The following MAPT variants were observed in gnomAD, a reference collection of about 807,000 sequenced individuals.
MAPT encodes microtubule-associated protein tau.
A neutral mutation model predicts 67.9 loss-of-function variants in MAPT; 34 were observed. That is an observed-to-expected ratio of 0.50 (90% CI 0.38 to 0.67). The LOEUF is 0.67. Ranked by LOEUF, MAPT falls within the 30% of genes least tolerant of loss-of-function variation. MAPT has a pLI of 0.00. For synonymous variants in MAPT, 456 were observed against 464.5 expected, an observed-to-expected ratio of 0.98 and a Z score of 0.23; for missense variants, 881 against 1,115.2, an observed-to-expected ratio of 0.79 and a Z score of 2.99.
In MAPT at chr17:45,965,555, A is replaced by G. The variant is rs531051738; in HGVS notation, c.133+3085A>G. Among the ~76,000 whole-genome samples, 179 of 151,438 alleles carry G rather than the reference A, an allele frequency of 1.2e-3. 3 individuals are homozygous for G. The highest frequency in any genetic ancestry group is 4.4e-3 in the South Asian group (21 of 4,748). The stretch of plus-strand genomic sequence containing the variant: ...CTCAGCCTCCCAAGTAGCTAGGATT[A>G]CAGGCGCCTACCACCACGCCTGGCC... On this transcript the variant is annotated intron_variant, in intron 2 of 12. Transcript: ENST00000262410.
intron 8 of MAPT, among the ~76,000 whole-genome samples, chr17:45,993,072 C>T (rs2074202417): frequency 1.3e-5 from 2 of 152,136 alleles, no homozygotes; most frequent in Non-Finnish European, 1.5e-5. Flanking sequence ...CAGCCTATGG[C>T]ACTTGCTGCG....
chr17:46,012,988 CCCCAGTT>C (rs913188133), intron 10 of MAPT, among the ~76,000 whole-genome samples: 1 of 152,192 alleles, frequency 6.6e-6, no homozygotes, highest in African/African-American at 2.4e-5. Context: ...GCCATCTCTG[CCCCAGTT>C]AACTCCCCAT....
chr17:45,993,924 C>T lies in MAPT; in HGVS notation c.1732+2338C>T, dbSNP rs543103148. ...GCTTTCGTGGATTTTTCTCTTTAAGCGACTAAGCAAGTCCAGAGAAGACCA... is the reference window on the plus strand; with the variant it reads ...GCTTTCGTGGATTTTTCTCTTTAAGTGACTAAGCAAGTCCAGAGAAGACCA... On this transcript the variant is annotated intron_variant, in intron 8 of 12. Coordinates refer to ENST00000262410, the MANE Select transcript of MAPT (RefSeq NM_001377265.1). The T allele has an allele frequency of 5.1e-6, 8 of 1,570,248 alleles. No individual in the cohort carries two copies. Among genetic ancestry groups the T allele is most frequent in the South Asian group, 2.3e-5 (2 of 85,428 alleles).
chr17:45,942,543 G>C (rs1486071216), intron 1 of MAPT, among the ~76,000 whole-genome samples: 1 of 152,172 alleles, frequency 6.6e-6, no homozygotes, highest in Admixed American at 6.5e-5. Context: ...TTGCTTCCCC[G>C]CTGGTGGACT....
In MAPT at chr17:46,024,666, TGTGA is replaced by T. The variant is rs1169448088; in HGVS notation, c.*499_*502del. ...CCACAGGCAGACGATGTCAACCTTG[TGTGA>T]GTGTGACGGGGGTTGGGGTGGGGCG... On this transcript the variant is annotated 3_prime_UTR_variant, in exon 13 of 13. Coordinates refer to ENST00000262410, the MANE Select transcript of MAPT (RefSeq NM_001377265.1). The T allele has an allele frequency of 6.1e-6, 1 of 163,610 alleles. No homozygotes were observed. The highest frequency in any genetic ancestry group is 1.2e-5 in the Non-Finnish European group (1 of 85,616). 10.1% of individuals were successfully genotyped at this position (163,610 alleles called of 1,614,324 possible).
chr17:46,015,076 A>C (rs773795199), intron 11 of MAPT, among the ~76,000 whole-genome samples: 2 of 152,204 alleles, frequency 1.3e-5, no homozygotes, highest in Non-Finnish European at 2.9e-5. Flanking sequence ...TTAATTGTAC[A>C]TTTAAAAATA....
chr17:45,914,966 C>G lies in MAPT; in HGVS notation c.-18+20280C>G, dbSNP rs576663129. Among the ~76,000 whole-genome samples the G allele has an allele frequency of 2.6e-5, 4 of 152,240 alleles. No homozygotes were observed. In the South Asian group the frequency reaches 6.2e-4, roughly 24 times the overall value. On this transcript the variant is annotated intron_variant, in intron 1 of 12. Transcript: ENST00000262410. Reference sequence around the variant, plus strand: ...TCCTGGACTCAAGCAATCCTCCTGCCTCAGCCTCCCAAAGGGCTGAGATTA... The same window carrying G: ...TCCTGGACTCAAGCAATCCTCCTGCGTCAGCCTCCCAAAGGGCTGAGATTA...
intron 12 of MAPT, among the ~76,000 whole-genome samples, chr17:46,020,655 G>A (rs752019098): frequency 3.9e-5 from 6 of 152,158 alleles, no homozygotes; most frequent in Non-Finnish European, 7.3e-5. Flanking sequence ...TGTCTCACAC[G>A]GTGGCAGACA....
At chr17:45,962,535 T>G (rs2070562075) in intron 2 of MAPT, 65 bp downstream of exon 2, 1 of 1,594,976 alleles carries the variant, frequency 6.3e-7, no homozygotes, top group Non-Finnish European at 8.6e-7. Context: ...GGGAACAGTT[T>G]GCATCCAGAA....
chr17:45,947,010 A>C (rs962219406), intron 1 of MAPT, among the ~76,000 whole-genome samples: 1 of 152,178 alleles, frequency 6.6e-6, no homozygotes, highest in African/African-American at 2.4e-5. Context: ...TCTTGCCAGC[A>C]TGAGTCTTTC....
chr17:45,905,537 A>G (rs77084869), intron 1 of MAPT, among the ~76,000 whole-genome samples: 21,832 of 152,250 alleles, frequency 0.14, 2,140 homozygotes, highest in Middle Eastern at 0.22. Context: ...AATCTGGGCC[A>G]AGTTAAAAAA....
Position 45,996,578 on chromosome 17 carries a change from G to A in MAPT, c.1912G>A (p.Ala638Thr), listed in dbSNP as rs543282557. ...PSSAKSRLQT[A>T]PVPMPDLKNV... ...TTCCGCCAAGAGCCGCCTGCAGACA[G>A]CCCCCGTGCCCATGCCAGACCTGAA... is the stretch of plus-strand genomic sequence containing the variant. The change falls in exon 9 of 13, where the codon GCC (alanine) becomes ACC (threonine). Residue 638 changes from alanine (A) to threonine (T), a missense_variant. Coordinates refer to ENST00000262410, the MANE Select transcript of MAPT (RefSeq NM_001377265.1). This position sits in a 1 kb window ranked among gnomAD's most constrained non-coding sequence, Gnocchi z 4.5. 115 of 1,613,814 alleles carry A rather than the reference G, an allele frequency of 7.1e-5. 1 individual carries two copies. In the South Asian group the frequency reaches 1.3e-3, roughly 18 times the overall value.
chr17:45,979,709 A>C (rs1348781859), intron 4 of MAPT: 1 of 152,204 alleles, frequency 6.6e-6, no homozygotes. Flanking sequence ...AGCTTAGGTA[A>C]AACTAGAGGC....
At chr17:45,959,790 A>C (rs1272870262) in intron 1 of MAPT, among the ~76,000 whole-genome samples, 2 of 152,172 alleles carry the variant, frequency 1.3e-5, no homozygotes, top group Non-Finnish European at 2.9e-5. Flanking sequence ...TAAAAAAAAA[A>C]AATTATGGAC....
intron 3 of MAPT, chr17:45,978,002 GCAGC>G (rs1327093888): frequency 4.1e-6 from 1 of 245,362 alleles, no homozygotes; most frequent in Non-Finnish European, 8.0e-6. Context: ...GAACTTCCCA[GCAGC>G]CACTGCTTAG....
chr17:46,019,294 A>T, intron 12 of MAPT, among the ~76,000 whole-genome samples: 1 of 147,660 alleles, frequency 6.8e-6, no homozygotes, highest in African/African-American at 2.4e-5. Flanking sequence ...CGCCCCCATG[A>T]TTCAGTTACC....
chr17:45,969,932 ATCATCCAT>A (rs2071475447), intron 2 of MAPT, among the ~76,000 whole-genome samples: 1 of 145,458 alleles, frequency 6.9e-6, no homozygotes, highest in South Asian at 2.2e-4. Flanking sequence ...TCATCTATAC[ATCATCCAT>A]TCATCCATCC....
chr17:45,912,874 C>T (rs900947347), intron 1 of MAPT, among the ~76,000 whole-genome samples: 8 of 152,180 alleles, frequency 5.3e-5, no homozygotes, highest in African/African-American at 1.9e-4. Flanking sequence ...CTGGTTGGAG[C>T]TGTCAGAAAG....
chr17:45,964,770 C>T (rs893430295), intron 2 of MAPT, among the ~76,000 whole-genome samples: 3 of 151,954 alleles, frequency 2.0e-5, no homozygotes, highest in Non-Finnish European at 4.4e-5. Context: ...TCCCACTTCC[C>T]CCACTCCCGC....
Sources: gnomAD v4.1 joint callset for allele counts (sites outside exome capture counted in the v4.1 genomes callset) on GRCh38, gnomAD v4.1.1 for gene constraint, Gnocchi (gnomAD v3.1) non-coding constraint, MANE v1.5 for transcripts, NCBI Gene and HGNC (gene_info 2026-07-23, HGNC 2026-07-21) for gene names.